Variants in PLCB1 observed in about 807,000 individuals in gnomAD.
The protein encoded by PLCB1 is phospholipase C beta 1.
PLCB1 carries 46 observed loss-of-function variants against 161.8 expected under a neutral mutation model. That is an observed-to-expected ratio of 0.28 (90% CI 0.22 to 0.36). The LOEUF (loss-of-function observed/expected upper bound fraction) is 0.36. Ranked by LOEUF, PLCB1 falls within the 10% of genes least tolerant of loss-of-function variation. The pLI is 1.00. For synonymous variants in PLCB1, 517 were observed against 503.7 expected, an observed-to-expected ratio of 1.03 and a Z score of -0.35; for missense variants, 1,016 against 1,472.5, an observed-to-expected ratio of 0.69 and a Z score of 5.07.
chr20:8,298,120 C>A (rs143063329), intron 2 of PLCB1, among the ~76,000 whole-genome samples: 1 of 151,602 alleles, frequency 6.6e-6, no homozygotes, highest in African/African-American at 2.4e-5. Context: ...CATAGTGAGA[C>A]CCTGTTTCTA....
At chr20:8,828,163 TG>T (rs1377419214) in intron 31 of PLCB1, among the ~76,000 whole-genome samples, 1 of 152,190 alleles carries the variant, frequency 6.6e-6, no homozygotes, top group African/African-American at 2.4e-5. Flanking sequence ...GGTGTGATGG[TG>T]GATGGGTTGA....
intron 3 of PLCB1, among the ~76,000 whole-genome samples, chr20:8,530,579 A>G (rs1984771276): frequency 6.6e-6 from 1 of 152,108 alleles, no homozygotes; most frequent in Admixed American, 6.6e-5. Context: ...AATACTTCAA[A>G]ATTTGATAAG....
chr20:8,851,821 C>T (rs1986897267), intron 31 of PLCB1, among the ~76,000 whole-genome samples: 1 of 150,508 alleles, frequency 6.6e-6, no homozygotes, highest in African/African-American at 2.4e-5. Context: ...CTTTTCTTTG[C>T]TTGAACTGAA....
At chr20:8,340,081 G>T (rs1217949847) in intron 2 of PLCB1, among the ~76,000 whole-genome samples, 1 of 152,168 alleles carries the variant, frequency 6.6e-6, no homozygotes, top group East Asian at 1.9e-4. Flanking sequence ...AACCCCTCCT[G>T]TTGTACTTCC....
chr20:8,173,253 G>C (rs998000739), intron 2 of PLCB1, among the ~76,000 whole-genome samples: 2 of 152,048 alleles, frequency 1.3e-5, no homozygotes, highest in Non-Finnish European at 2.9e-5. Flanking sequence ...CCGGTAAGAG[G>C]TATTTCACTA....
intron 2 of PLCB1, among the ~76,000 whole-genome samples, chr20:8,335,661 A>C (rs1207452369): frequency 6.6e-6 from 1 of 152,146 alleles, no homozygotes; most frequent in East Asian, 1.9e-4. Flanking sequence ...TTCAAGCATG[A>C]TGCACATTAT....
chr20:8,637,187 CCTA>C (rs1467752395), intron 4 of PLCB1, among the ~76,000 whole-genome samples: 14 of 152,302 alleles, frequency 9.2e-5, no homozygotes, highest in African/African-American at 3.4e-4. Flanking sequence ...ATCTGTTTCA[CCTA>C]CTACCTTGAT....
chr20:8,330,987 TAAA>T (rs1382620922), intron 2 of PLCB1, among the ~76,000 whole-genome samples: 2 of 152,242 alleles, frequency 1.3e-5, no homozygotes, highest in Non-Finnish European at 2.9e-5. Context: ...TTAAACTATA[TAAA>T]ATACCATTTT....
chr20:8,776,220 A>G (rs1362246532), intron 27 of PLCB1, among the ~76,000 whole-genome samples: 2 of 152,190 alleles, frequency 1.3e-5, no homozygotes, highest in Admixed American at 1.3e-4. Flanking sequence ...CACAATAACC[A>G]TTAGAGTTTG....
intron 31 of PLCB1, among the ~76,000 whole-genome samples, chr20:8,808,768 T>C (rs1230524258): frequency 1.3e-5 from 2 of 152,178 alleles, no homozygotes; most frequent in African/African-American, 4.8e-5. Context: ...CAAATATTAA[T>C]TTTCCTTTAT....
intron 2 of PLCB1, among the ~76,000 whole-genome samples, chr20:8,214,461 T>TA (rs1451657234): frequency 6.6e-6 from 1 of 152,124 alleles, no homozygotes; most frequent in Non-Finnish European, 1.5e-5. Flanking sequence ...GCCATGATTG[T>TA]AACCTTCCTG....
intron 1 of PLCB1, among the ~76,000 whole-genome samples, chr20:8,136,625 CAAA>C (rs11404661): frequency 3.0e-5 from 4 of 134,134 alleles, no homozygotes; most frequent in East Asian, 4.4e-4. Flanking sequence ...GACTCTGTCT[CAAA>C]AAAAAAAAAA....
intron 2 of PLCB1, among the ~76,000 whole-genome samples, chr20:8,158,485 A>G (rs1045312571): frequency 6.6e-6 from 1 of 152,132 alleles, no homozygotes; most frequent in Non-Finnish European, 1.5e-5. Flanking sequence ...ACACAGCCAA[A>G]CCATATCATT....
intron 2 of PLCB1, among the ~76,000 whole-genome samples, chr20:8,317,738 C>T (rs559743905): frequency 2.0e-4 from 31 of 152,164 alleles, no homozygotes; most frequent in African/African-American, 7.2e-4. Context: ...GGTGTATGCT[C>T]TCACTAATCA....
chr20:8,164,335 G>C (rs2051655436), intron 2 of PLCB1, among the ~76,000 whole-genome samples: 1 of 152,322 alleles, frequency 6.6e-6, no homozygotes, highest in Non-Finnish European at 1.5e-5. Flanking sequence ...AGCATTGACT[G>C]GTTTAGCCAA....
At chr20:8,269,682 A>G (rs562442092) in intron 2 of PLCB1, among the ~76,000 whole-genome samples, 17 of 152,244 alleles carry the variant, frequency 1.1e-4, no homozygotes, top group Non-Finnish European at 2.2e-4. Context: ...TAAGTTTTGT[A>G]TCTCTATCCA....
chr20:8,254,506 G>C (rs1981312327), intron 2 of PLCB1, among the ~76,000 whole-genome samples: 1 of 151,862 alleles, frequency 6.6e-6, no homozygotes, highest in African/African-American at 2.4e-5. Flanking sequence ...GGTAACATGA[G>C]TGACTTTGTT....
chr20:8,176,775 C>G (rs2051787914), intron 2 of PLCB1, among the ~76,000 whole-genome samples: 1 of 151,956 alleles, frequency 6.6e-6, no homozygotes, highest in African/African-American at 2.4e-5. Context: ...AAAAGGGCTC[C>G]CTCTATATTA....
intron 1 of PLCB1, among the ~76,000 whole-genome samples, chr20:8,143,201 G>A (rs996620426): frequency 6.6e-6 from 1 of 152,080 alleles, no homozygotes; most frequent in Admixed American, 6.5e-5. Flanking sequence ...TACTATGCAA[G>A]TGTAACTTAT....
Sources: allele counts gnomAD v4.1 joint callset (sites outside exome capture counted in the v4.1 genomes callset), GRCh38; gene constraint gnomAD v4.1.1; transcripts MANE v1.5; gene names NCBI Gene and HGNC (gene_info 2026-07-23, HGNC 2026-07-21).